The following OXR1 variants were observed in gnomAD, a reference collection of about 807,000 sequenced individuals.
OXR1 encodes oxidation resistance 1.
Under a neutral mutation model 104.6 loss-of-function variants are expected in OXR1, and 41 were observed. The ratio of observed to expected loss-of-function variants is 0.39; its 90% CI spans 0.31 to 0.51. The LOEUF is 0.51. OXR1 is among the 20% of genes least tolerant of loss of function. The pLI, the probability that OXR1 is intolerant of heterozygous loss-of-function variation, is 0.77. For synonymous variants in OXR1, 348 were observed against 348.4 expected (o/e 1.00, Z 0.01); for missense variants, 955 against 1,031.9 (o/e 0.93, Z 1.02).
chr8:106,444,080 C>T (rs371711119), intron 2 of OXR1, among the ~76,000 whole-genome samples: 7 of 152,090 alleles, frequency 4.6e-5, no homozygotes, highest in Non-Finnish European at 5.9e-5. Flanking sequence ...GGTCAACAAA[C>T]GTATGAAAAA....
At chr8:106,617,212 C>T (rs894805876) in intron 3 of OXR1, among the ~76,000 whole-genome samples, 5 of 152,172 alleles carry the variant, frequency 3.3e-5, no homozygotes, top group South Asian at 4.2e-4. Flanking sequence ...CACCTGAGGT[C>T]GGGAGTTCAA....
intron 1 of OXR1, among the ~76,000 whole-genome samples, chr8:106,273,244 GAAA>G (rs34496444): frequency 1.5e-5 from 2 of 129,474 alleles, no homozygotes; most frequent in Admixed American, 1.5e-4. Context: ...TCATTACAAA[GAAA>G]AAAAAAAAAG....
intron 7 of OXR1, among the ~76,000 whole-genome samples, chr8:106,697,121 AG>A (rs1563719715): frequency 6.6e-6 from 1 of 152,180 alleles, no homozygotes; most frequent in African/African-American, 2.4e-5. Context: ...AGGGGGAAAA[AG>A]GAGAGACAGA....
chr8:106,512,641 A>G (rs1357571125), intron 2 of OXR1, among the ~76,000 whole-genome samples: 1 of 152,180 alleles, frequency 6.6e-6, no homozygotes, highest in Non-Finnish European at 1.5e-5. Context: ...GAGTTGTATC[A>G]TGTAGTATTT....
chr8:106,356,938 A>G (rs375446345), intron 1 of OXR1, among the ~76,000 whole-genome samples: 61 of 152,242 alleles, frequency 4.0e-4, no homozygotes, highest in Middle Eastern at 3.4e-3. Context: ...TTAAGTGCTC[A>G]TAAAGGCAAC....
Position 106,397,431 on chromosome 8 carries a change from T to C in OXR1, c.23+37795T>C, listed in dbSNP as rs187762158. On this transcript the variant is annotated intron_variant, in intron 2 of 16. Coordinates refer to ENST00000517566, the MANE Select transcript of OXR1 (RefSeq NM_001198533.2). Reference sequence around the variant, plus strand: ...CTTTTCTATCTTCTGATTTAAAAAGTACAATTAACTTTTTAAAAAGCTCAG... The same window carrying C: ...CTTTTCTATCTTCTGATTTAAAAAGCACAATTAACTTTTTAAAAAGCTCAG... 4.2e-3 allele frequency among the ~76,000 whole-genome samples: 634 copies of C among 152,162 alleles called. 5 individuals are homozygous for C. The highest frequency in any genetic ancestry group is 0.014 in the African/African-American group (591 of 41,526).
intron 1 of OXR1, among the ~76,000 whole-genome samples, chr8:106,271,373 TC>T (rs1221120393): frequency 6.6e-6 from 1 of 152,094 alleles, no homozygotes; most frequent in African/African-American, 2.4e-5. Context: ...GTTCAGTGGT[TC>T]CCGGCACGCT....
intron 15 of OXR1, among the ~76,000 whole-genome samples, chr8:106,743,501 A>G (rs1213796633): frequency 1.3e-5 from 2 of 152,124 alleles, no homozygotes; most frequent in East Asian, 3.9e-4. Flanking sequence ...TTGTATTTTT[A>G]GTAGAGACGG....
intron 2 of OXR1, among the ~76,000 whole-genome samples, chr8:106,493,373 C>T (rs2129878915): frequency 6.6e-6 from 1 of 152,126 alleles, no homozygotes; most frequent in Non-Finnish European, 1.5e-5. Context: ...TACCTTTTCC[C>T]TTCTTAACTC....
At chr8:106,459,539 G>GA (rs34666872) in intron 2 of OXR1, among the ~76,000 whole-genome samples, 285 of 148,896 alleles carry the variant, frequency 1.9e-3, no homozygotes, top group Admixed American at 0.015. Context: ...ACTCTTATCT[G>GA]AAAAAAAAAA....
intron 2 of OXR1, among the ~76,000 whole-genome samples, chr8:106,518,386 G>A (rs1290263577): frequency 6.6e-6 from 1 of 152,104 alleles, no homozygotes. Context: ...ATAGCTTTTT[G>A]CTTTCCATGT....
intron 2 of OXR1, among the ~76,000 whole-genome samples, chr8:106,435,684 T>A (rs191642365): frequency 6.6e-6 from 1 of 152,140 alleles, no homozygotes; most frequent in Non-Finnish European, 1.5e-5. Flanking sequence ...GAAATAAGAG[T>A]GATACTATTT....
At chr8:106,432,393 C>G (rs748226069) in intron 2 of OXR1, among the ~76,000 whole-genome samples, 6 of 152,178 alleles carry the variant, frequency 3.9e-5, no homozygotes, top group Non-Finnish European at 5.9e-5. Flanking sequence ...TGCCAGCCCT[C>G]CTGTTCCTGC....
At chr8:106,414,960 C>G (rs983235551) in intron 2 of OXR1, among the ~76,000 whole-genome samples, 5 of 152,128 alleles carry the variant, frequency 3.3e-5, no homozygotes, top group African/African-American at 1.2e-4. Context: ...AGGCCAACTG[C>G]TGAGCAGAAG....
At chr8:106,463,146 G>GC (rs1213494678) in intron 2 of OXR1, among the ~76,000 whole-genome samples, 1 of 151,948 alleles carries the variant, frequency 6.6e-6, no homozygotes, top group Non-Finnish European at 1.5e-5. Context: ...AGCAAGCCAA[G>GC]GAGAACACAG....
intron 3 of OXR1, among the ~76,000 whole-genome samples, chr8:106,524,479 A>G (rs1046451975): frequency 1.3e-5 from 2 of 152,166 alleles, no homozygotes; most frequent in African/African-American, 2.4e-5. Context: ...GTTTTTCTAT[A>G]TGGAGGACTT....
intron 3 of OXR1, among the ~76,000 whole-genome samples, chr8:106,525,577 T>C (rs986583578): frequency 2.0e-5 from 3 of 152,236 alleles, no homozygotes; most frequent in Non-Finnish European, 4.4e-5. Flanking sequence ...TTTTATTACT[T>C]ATGCCACCTA....
chr8:106,398,217 T>C (rs1817858152), intron 2 of OXR1, among the ~76,000 whole-genome samples: 1 of 152,200 alleles, frequency 6.6e-6, no homozygotes. Context: ...TGGTCTAGAC[T>C]GTCAGTAATT....
chr8:106,302,133 A>G (rs1813260133), intron 1 of OXR1, among the ~76,000 whole-genome samples: 2 of 152,086 alleles, frequency 1.3e-5, no homozygotes, highest in African/African-American at 4.8e-5. Flanking sequence ...ATCTGCTGCT[A>G]TTTTCTAGTC....
Sources: allele counts gnomAD v4.1 joint callset (sites outside exome capture counted in the v4.1 genomes callset), GRCh38; gene constraint gnomAD v4.1.1; transcripts MANE v1.5; gene names NCBI Gene and HGNC (gene_info 2026-07-23, HGNC 2026-07-21).